Variants in ZBTB41 observed in about 807,000 individuals in gnomAD.
The protein encoded by ZBTB41 is zinc finger and BTB domain containing 41, also known as zinc finger and BTB domain-containing protein 41.
Under a neutral mutation model 87.6 loss-of-function variants are expected in ZBTB41, and 42 were observed. The ratio of observed to expected loss-of-function variants is 0.48; its 90% confidence interval spans 0.37 to 0.62. The LOEUF (loss-of-function observed/expected upper bound fraction) is 0.62, where lower values mean the gene tolerates loss of function less well. Ranked by LOEUF, ZBTB41 falls within the 20% of genes least tolerant of loss-of-function variation. The pLI is 0.00. For synonymous variants in ZBTB41, 364 were observed against 364.0 expected (o/e 1.00, Z 0.00); for missense variants, 799 against 1,078.9 (o/e 0.74, Z 3.63).
intron 10 of ZBTB41, among the ~76,000 whole-genome samples, chr1:197,162,417 G>A (rs997609455): frequency 2.6e-5 from 4 of 152,090 alleles, no homozygotes; most frequent in Non-Finnish European, 4.4e-5. Flanking sequence ...ACAGAAAGGA[G>A]CATTAAGAGC....
At chr1:197,178,689 GCTCT>G (rs1310794433) in intron 6 of ZBTB41, among the ~76,000 whole-genome samples, 177 bp from the exon 7 acceptor site, 1 of 152,000 alleles carries the variant, frequency 6.6e-6, no homozygotes, top group Non-Finnish European at 1.5e-5. Context: ...GCTTGTTATA[GCTCT>G]CTCTCCTTAA....
intron 5 of ZBTB41, among the ~76,000 whole-genome samples, chr1:197,183,459 C>A (rs1659806707): frequency 6.6e-6 from 1 of 152,142 alleles, no homozygotes; most frequent in Admixed American, 6.5e-5. Context: ...CTACATCATG[C>A]CACACCTATT....
Position 197,159,124 on chromosome 1 carries a change from G to C in ZBTB41, c.*235C>G, listed in dbSNP as rs190568858. 1 of 446,600 alleles carries C rather than the reference G, an allele frequency of 2.2e-6. No individual in the cohort carries two copies. The highest frequency in any genetic ancestry group is 3.8e-5 in the East Asian group (1 of 26,556). The allele number at this position is 446,600 out of a possible 1,614,324, so 27.7% of individuals were successfully genotyped here. A position where few individuals can be genotyped will look rare whatever the true frequency, so the allele number is the denominator to read the frequency against. ...AAATTTAAGAAACCATTAAAAGTTA[G>C]CACTAAATAATCTTTAAAAATCACA... On this transcript the variant is annotated 3_prime_UTR_variant, in exon 11 of 11. Transcript: ENST00000367405.
chr1:197,193,932 T>C (rs1660093930), intron 2 of ZBTB41, among the ~76,000 whole-genome samples: 1 of 152,234 alleles, frequency 6.6e-6, no homozygotes, highest in African/African-American at 2.4e-5. Context: ...AGGTCCATTT[T>C]TAACTGGGGA....
Position 197,181,050 on chromosome 1 carries a change from T to G in ZBTB41, c.1614A>C (p.Glu538Asp). ...ATTTTCTCTTTCCACCATGAGTACATTCTATATGACGTTTCAAATTTCCAG... is the reference window on the plus strand; with the variant it reads ...ATTTTCTCTTTCCACCATGAGTACAGTCTATATGACGTTTCAAATTTCCAG... ...NDTGNLKRHIECTHGGKRKWT... is the reference protein window; with the variant it reads ...NDTGNLKRHIDCTHGGKRKWT... The change falls in exon 6 of 11, where the codon GAA (glutamate) becomes GAC (aspartate). Residue 538 changes from glutamate (E) to aspartate (D), a missense_variant. By Grantham distance (45) the Glu-to-Asp change is conservative. Around this residue, in one of 5 missense-constraint regions of ZBTB41, gnomAD observed 198 missense variants for 358.4 expected, o/e 0.55. Transcript: ENST00000367405. 1 of 1,607,580 alleles carries G rather than the reference T, an allele frequency of 6.2e-7. No individual in the cohort carries two copies. Among genetic ancestry groups the G allele is most frequent in the Non-Finnish European group, 8.5e-7 (1 of 1,178,432 alleles).
intron 10 of ZBTB41, among the ~76,000 whole-genome samples, chr1:197,163,342 C>T (rs923273696): frequency 1.1e-4 from 17 of 152,036 alleles, no homozygotes; most frequent in Admixed American, 3.9e-4. Context: ...AATACACACA[C>T]TCAAAGCAAA....
At chr1:197,174,176 A>G (rs558244665) in intron 9 of ZBTB41, among the ~76,000 whole-genome samples, 1 of 152,252 alleles carries the variant, frequency 6.6e-6, no homozygotes, top group South Asian at 2.1e-4. Flanking sequence ...TAAGCCATAC[A>G]GATTTTCAAG....
chr1:197,194,300 G>A (rs1660109143), intron 2 of ZBTB41, among the ~76,000 whole-genome samples: 1 of 152,082 alleles, frequency 6.6e-6, no homozygotes, highest in African/African-American at 2.4e-5. Flanking sequence ...TTACAGGCAG[G>A]AGCCACTGCG....
At chr1:197,180,589 T>C (rs1052153754) in intron 6 of ZBTB41, among the ~76,000 whole-genome samples, 3 of 148,546 alleles carry the variant, frequency 2.0e-5, no homozygotes, top group Admixed American at 1.3e-4. Context: ...TAAATAGTTA[T>C]AGTAAAAGAT....
chr1:197,193,038 G>A (rs916213075), intron 2 of ZBTB41, among the ~76,000 whole-genome samples: 2 of 152,080 alleles, frequency 1.3e-5, no homozygotes, highest in Admixed American at 1.3e-4. Context: ...TGAAAAATTA[G>A]GTATTTAGGT....
chr1:197,199,599 C>T lies in ZBTB41; in HGVS notation c.875G>A (p.Arg292Lys). ...ACTTCCAGGGTCCTCAGAATCATTT[C>T]TATCTGACTTTTCCTTATCAAAATT... ...QENFDKEKSD[R>K]NDSEDPGSEY... Residue 292 changes from arginine (R) to lysine (K), a missense_variant, in exon 2 of 11, where the codon AGA (arginine) becomes AAA (lysine). Arg to Lys is a conservative substitution (Grantham distance 26). Transcript: ENST00000367405. 6.2e-7 allele frequency: 1 copy of T among 1,609,490 alleles called. No individual in the cohort carries two copies. Among genetic ancestry groups the T allele is most frequent in the Non-Finnish European group, 8.5e-7 (1 of 1,178,816 alleles).
intron 10 of ZBTB41, among the ~76,000 whole-genome samples, chr1:197,165,527 G>A (rs149644068): frequency 0.3 from 45,852 of 150,690 alleles, 8,687 homozygotes; most frequent in Middle Eastern, 0.45. Flanking sequence ...GGAGAATGGC[G>A]TCAACCCGGG....
intron 9 of ZBTB41, among the ~76,000 whole-genome samples, chr1:197,174,323 G>A (rs1202815403): frequency 6.6e-6 from 1 of 152,084 alleles, no homozygotes; most frequent in East Asian, 1.9e-4. Context: ...TTGCAACAGT[G>A]GCTGGAATGT....
Position 197,181,674 on chromosome 1 carries a change from C to T in ZBTB41, c.1547-557G>A, listed in dbSNP as rs79491737. On this transcript the variant is annotated intron_variant, in intron 5 of 10. Transcript: ENST00000367405. ...TAAAAAAGAAGTTTAGTAAATACAG[C>T]TCAAAGAAGCTATATATTAGCAAGA... Among the ~76,000 whole-genome samples the T allele has an allele frequency of 2.2e-4, 33 of 152,140 alleles. 1 individual carries two copies. In the East Asian group the frequency reaches 6.4e-3, roughly 29 times the overall value.
At position 197,156,826 on chromosome 1, in the gene ZBTB41, G is replaced by A. The variant is rs1243141622; in HGVS notation, c.*2533C>T. On this transcript the variant is annotated 3_prime_UTR_variant, in exon 11 of 11. Coordinates refer to ENST00000367405, the MANE Select transcript of ZBTB41 (RefSeq NM_194314.3). The stretch of plus-strand genomic sequence containing the variant: ...CTCCCAGACTAGGTTAAGATTAAAT[G>A]ACAGGATGTAGTACCTGGCACATAG... 1.3e-5 allele frequency: 2 copies of A among 152,150 alleles called. No homozygotes were observed. The highest frequency in any genetic ancestry group is 2.1e-4 in the South Asian group (1 of 4,822). The allele number at this position is 152,150 out of a possible 1,614,324, so 9.4% of individuals were successfully genotyped here. A position where few individuals can be genotyped will look rare whatever the true frequency, so the allele number is the denominator to read the frequency against.
chr1:197,199,446 T>C lies in ZBTB41; in HGVS notation c.1028A>G (p.Asn343Ser). The change falls in exon 2 of 11, where the codon AAT becomes AGT. Residue 343 changes from asparagine (N) to serine (S), a missense_variant. By Grantham distance (46) the Asn-to-Ser change is conservative. Coordinates refer to ENST00000367405, the MANE Select transcript of ZBTB41 (RefSeq NM_194314.3). Reference protein sequence around the residue: ...EEPEAGDSVGNVHEGLTPVVI... With the variant: ...EEPEAGDSVGSVHEGLTPVVI... ...CACTGGAGTTAACCCCTCATGAACATTTCCTACAGAATCACCAGCCTCAGG... is the reference window on the plus strand; with the variant it reads ...CACTGGAGTTAACCCCTCATGAACACTTCCTACAGAATCACCAGCCTCAGG... The C allele has an allele frequency of 6.2e-7, 1 of 1,612,636 alleles. No homozygotes were observed. Among genetic ancestry groups the C allele is most frequent in the Non-Finnish European group, 8.5e-7 (1 of 1,179,610 alleles).
intron 2 of ZBTB41, among the ~76,000 whole-genome samples, chr1:197,194,726 A>G (rs768003094): frequency 6.6e-6 from 1 of 152,114 alleles, no homozygotes; most frequent in Non-Finnish European, 1.5e-5. Context: ...AAATAAATTC[A>G]GCCAAATCAA....
intron 10 of ZBTB41, among the ~76,000 whole-genome samples, chr1:197,165,216 T>C (rs937689075): frequency 3.3e-5 from 5 of 151,622 alleles, no homozygotes; most frequent in African/African-American, 1.2e-4. Context: ...ATTTAGGAAT[T>C]GGGTAATACA....
Position 197,159,327 on chromosome 1 carries a change from C to A in ZBTB41, c.*32G>T. 1 of 1,605,472 alleles carries A rather than the reference C, an allele frequency of 6.2e-7. No individual in the cohort carries two copies. The highest frequency in any genetic ancestry group is 8.5e-7 in the Non-Finnish European group (1 of 1,173,730). On this transcript the variant is annotated 3_prime_UTR_variant, in exon 11 of 11. Coordinates refer to ENST00000367405, the MANE Select transcript of ZBTB41 (RefSeq NM_194314.3). The stretch of plus-strand genomic sequence containing the variant: ...ATCATCTCTACCATTAGCATATAAC[C>A]ATCCAAAAATCTGTGGAATGTTTAG...
Sources: gnomAD v4.1 joint callset for allele counts (sites outside exome capture counted in the v4.1 genomes callset) on GRCh38, gnomAD v4.1.1 for gene constraint, gnomAD v4.1.1 regional missense constraint, MANE v1.5 for transcripts, NCBI Gene and HGNC (gene_info 2026-07-23, HGNC 2026-07-21) for gene names.